MLXIP: variants seen among roughly 807,000 people sequenced by gnomAD.
MLXIP encodes MLX-interacting protein.
Under a neutral mutation model 87.2 loss-of-function variants are expected in MLXIP, and 30 were observed. The observed-to-expected ratio is 0.34, with a 90% confidence interval of 0.26 to 0.47. The LOEUF is 0.47. Among genes scored for constraint, MLXIP ranks in the 20% least tolerant of loss-of-function variants. The probability of loss-of-function intolerance (pLI) is 1.00; values close to 1 mark genes in which losing one functional copy is unlikely to be tolerated. For missense variants in MLXIP, 1,002 were observed against 1,240.1 expected (o/e 0.81, Z 2.88); for synonymous variants, 530 against 514.0 (o/e 1.03, Z -0.42).
intron 1 of MLXIP, among the ~76,000 whole-genome samples, chr12:122,116,281 GT>G (rs35251250): frequency 6.6e-6 from 1 of 150,970 alleles, no homozygotes; most frequent in South Asian, 2.1e-4. Flanking sequence ...TTCAGAATAA[GT>G]TTTTTTTTAA....
chr12:122,121,379 G>C (rs1435864685), intron 1 of MLXIP, among the ~76,000 whole-genome samples: 1 of 144,770 alleles, frequency 6.9e-6, no homozygotes, highest in African/African-American at 2.6e-5. Context: ...GCAGCGGCGA[G>C]GTCTCAGCCT....
intron 2 of MLXIP, 52 bp downstream of exon 2, chr12:122,127,414 G>GGTGCCCAGGCCTCC: frequency 7.4e-7 from 1 of 1,349,498 alleles, no homozygotes; most frequent in East Asian, 2.4e-5. Flanking sequence ...TCACGGCCTG[G>GGTGCCCAGGCCTCC]AGGCCTGGGC....
At position 122,090,408 on chromosome 12, in the gene MLXIP, ACT is replaced by A. The variant is rs199954445; in HGVS notation, c.413+11147_413+11148del. On this transcript the variant is annotated intron_variant, in intron 1 of 16. Transcript: ENST00000319080. The stretch of plus-strand genomic sequence containing the variant: ...GCTACTCGGGAGGCTGAGGCAGGAG[ACT>A]CTCTTGAAACCGAGAGGCAGAGGTT... 4.4e-3 allele frequency among the ~76,000 whole-genome samples: 673 copies of A among 151,514 alleles called. 19 individuals carry two copies. The highest frequency in any genetic ancestry group is 0.041 in the Admixed American group (615 of 15,184).
chr12:122,107,955 A>G (rs1952546519), intron 1 of MLXIP, among the ~76,000 whole-genome samples: 1 of 152,154 alleles, frequency 6.6e-6, no homozygotes, highest in Middle Eastern at 3.2e-3. Flanking sequence ...GGCGGTGACT[A>G]GGTGGTAATA....
intron 6 of MLXIP, among the ~76,000 whole-genome samples, chr12:122,130,550 G>A (rs1228184430): frequency 6.6e-6 from 1 of 151,748 alleles, no homozygotes; most frequent in Non-Finnish European, 1.5e-5. Flanking sequence ...AGAGCCCAAA[G>A]ATTGAAAATT....
At chr12:122,141,646 G>A (rs1477548946) in intron 16 of MLXIP, 45 bp from the exon 17 acceptor site, 4 of 1,605,264 alleles carry the variant, frequency 2.5e-6, no homozygotes, top group South Asian at 2.2e-5. Context: ...GCGGTGTGTG[G>A]TGGGTCTGTG....
intron 1 of MLXIP, among the ~76,000 whole-genome samples, chr12:122,108,723 G>A (rs1279548704): frequency 5.9e-5 from 9 of 152,150 alleles, no homozygotes; most frequent in Admixed American, 5.9e-4. Flanking sequence ...TGTGTGTGGA[G>A]GGAACCAGCA....
chr12:122,145,393 G>A lies in MLXIP; in HGVS notation c.*3581G>A, dbSNP rs1191999218. 1.3e-5 allele frequency: 2 copies of A among 152,280 alleles called. No homozygotes were observed. The highest frequency in any genetic ancestry group is 6.5e-5 in the Admixed American group (1 of 15,280). 9.4% of individuals were successfully genotyped at this position (152,280 alleles called of 1,614,324 possible). A position where few individuals can be genotyped will look rare whatever the true frequency, so the allele number is the denominator to read the frequency against. On this transcript the variant is annotated 3_prime_UTR_variant, in exon 17 of 17. Transcript: ENST00000319080. The stretch of plus-strand genomic sequence containing the variant: ...AAGGTTTCTCTGCTCTGGCTAAGAG[G>A]ATGTAAATTTGGATTCTTAGAGGGC...
At position 122,140,957 on chromosome 12, in the gene MLXIP, A is replaced by G; in HGVS notation, c.2512A>G (p.Ser838Gly). 6.2e-7 allele frequency: 1 copy of G among 1,613,960 alleles called. No homozygotes were observed. Among genetic ancestry groups the G allele is most frequent in the Non-Finnish European group, 8.5e-7 (1 of 1,179,886 alleles). Residue 838 changes from serine to glycine, a missense_variant, in exon 16 of 17, where the codon AGC becomes GGC. By Grantham distance (56) the Ser-to-Gly change is moderately conservative. This residue lies in a region of MLXIP where 746 missense variants were observed against 897.0 expected (regional missense o/e 0.83). Coordinates refer to ENST00000319080, the MANE Select transcript of MLXIP (RefSeq NM_014938.6). ...TLQNWKFWIF[S>G]IIIKPLFESF... ...TTTCTTTAACCACACACTGCAGTTC[A>G]GCATCATCATCAAGCCGCTGTTTGA...
In MLXIP at chr12:122,137,394, C is replaced by G; in HGVS notation, c.2033-75C>G. ...TAGCAGCGAGCACCTCATAACCCTG[C>G]AGAGACCCCAGGCTGCCTCCTGGTG... On this transcript the variant is annotated intron_variant, in intron 11 of 16. Transcript: ENST00000319080. This position sits in a 1 kb window ranked among gnomAD's most constrained non-coding sequence, Gnocchi z 4.1. 6.5e-7 allele frequency: 1 copy of G among 1,544,708 alleles called. No individual in the cohort carries two copies. The highest frequency in any genetic ancestry group is 8.7e-7 in the Non-Finnish European group (1 of 1,145,458).
At chr12:122,129,401 T>C in intron 4 of MLXIP, 175 bp downstream of exon 4, 1 of 363,848 alleles carries the variant, frequency 2.7e-6, no homozygotes. Flanking sequence ...CCTGCCTCGG[T>C]CAGGTTGTCT....
intron 1 of MLXIP, among the ~76,000 whole-genome samples, chr12:122,106,610 T>TC (rs996596332): frequency 1.4e-5 from 2 of 143,814 alleles, no homozygotes; most frequent in African/African-American, 5.2e-5. Context: ...TTTTTTTTTT[T>TC]TTTTTTTTTG....
intron 1 of MLXIP, among the ~76,000 whole-genome samples, chr12:122,089,879 A>G (rs1268805055): frequency 6.6e-6 from 1 of 152,246 alleles, no homozygotes; most frequent in Admixed American, 6.5e-5. Context: ...AGAATCAGCT[A>G]GGAACTTCCT....
chr12:122,140,792 C>G (rs1212866055), intron 15 of MLXIP, 162 bp from the exon 16 acceptor site: 2 of 1,094,830 alleles, frequency 1.8e-6, no homozygotes, highest in Non-Finnish European at 2.7e-6. Flanking sequence ...GTGGAAGACA[C>G]ACCTTGCCTA....
Position 122,129,196 on chromosome 12 carries a change from T to C in MLXIP, c.666T>C (p.Tyr222=). Residue 222 remains tyrosine, a synonymous_variant, in exon 4 of 17, where the codon TAT becomes TAC. Transcript: ENST00000319080. The part of the protein sequence containing the change: ...KSRIEIVIRE[Y]HKWRTYFKKR... ...GCATCGAGATTGTGATCCGGGAGTATCACAAGTGGAGAACCTACTTCAAGA... is the reference window on the plus strand; with the variant it reads ...GCATCGAGATTGTGATCCGGGAGTACCACAAGTGGAGAACCTACTTCAAGA... The C allele has an allele frequency of 6.2e-7, 1 of 1,611,300 alleles. No homozygotes were observed. Among genetic ancestry groups the C allele is most frequent in the Non-Finnish European group, 8.5e-7 (1 of 1,178,844 alleles).
In MLXIP at chr12:122,142,187, C is replaced by A; in HGVS notation, c.*375C>A. On this transcript the variant is annotated 3_prime_UTR_variant, in exon 17 of 17. Transcript: ENST00000319080. The stretch of plus-strand genomic sequence containing the variant: ...GGGATGAGGGTGACAGGGCCTGCTC[C>A]TGTCCTGAGGCCCAGCCTTGTCCCT... 1 of 701,360 alleles carries A rather than the reference C, an allele frequency of 1.4e-6. No homozygotes were observed. The highest frequency in any genetic ancestry group is 2.6e-6 in the Non-Finnish European group (1 of 384,702). The allele number at this position is 701,360 out of a possible 1,614,324, so 43.4% of individuals were successfully genotyped here. A position where few individuals can be genotyped will look rare whatever the true frequency, so the allele number is the denominator to read the frequency against.
At chr12:122,129,022 G>C (rs538839328) in intron 3 of MLXIP, 115 bp from the exon 4 acceptor site, 1 of 793,820 alleles carries the variant, frequency 1.3e-6, no homozygotes, top group East Asian at 2.7e-5. Context: ...CCACTGTGGG[G>C]TTTCCCGCTG....
chr12:122,119,424 C>CT (rs1188360163), intron 1 of MLXIP, among the ~76,000 whole-genome samples: 1 of 152,038 alleles, frequency 6.6e-6, no homozygotes, highest in Non-Finnish European at 1.5e-5. Context: ...ATGAGCCTCG[C>CT]TGTGTCGCCC....
At chr12:122,105,820 C>T (rs558730996) in intron 1 of MLXIP, among the ~76,000 whole-genome samples, 2 of 151,960 alleles carry the variant, frequency 1.3e-5, no homozygotes, top group South Asian at 4.1e-4. Flanking sequence ...CCTTTCCCCC[C>T]CTTCTTTTCC....
Sources: allele counts gnomAD v4.1 joint callset (sites outside exome capture counted in the v4.1 genomes callset), GRCh38; gene constraint gnomAD v4.1.1; regional missense constraint gnomAD v4.1.1; non-coding constraint Gnocchi (gnomAD v3.1); transcripts MANE v1.5; gene names NCBI Gene and HGNC (gene_info 2026-07-23, HGNC 2026-07-21).